Variants in MAMDC2 observed in about 807,000 individuals in gnomAD.
MAMDC2 encodes MAM domain containing 2.
MAMDC2 carries 57 observed loss-of-function variants against 89.8 expected under a neutral mutation model. The ratio of observed to expected loss-of-function variants is 0.63; its 90% confidence interval spans 0.51 to 0.79. MAMDC2 has a LOEUF of 0.79. Ranked by LOEUF, MAMDC2 falls within the 30% of genes least tolerant of loss-of-function variation. The pLI is 0.00. For missense variants in MAMDC2, 800 were observed against 820.6 expected (o/e 0.97, Z 0.31); for synonymous variants, 313 against 293.4 (o/e 1.07, Z -0.68).
At chr9:70,199,108 C>G (rs558815332) in intron 11 of MAMDC2, among the ~76,000 whole-genome samples, 5 of 150,086 alleles carry the variant, frequency 3.3e-5, no homozygotes, top group Non-Finnish European at 4.4e-5. Flanking sequence ...GCACATTGTA[C>G]AGGTTAGTTA....
At chr9:70,111,142 G>A (rs945683544) in intron 4 of MAMDC2, among the ~76,000 whole-genome samples, 1 of 152,214 alleles carries the variant, frequency 6.6e-6, no homozygotes, top group Admixed American at 6.5e-5. Flanking sequence ...GTGAACGACA[G>A]GGAAGTCAGA....
At chr9:70,137,957 G>A (rs906704638) in intron 7 of MAMDC2, among the ~76,000 whole-genome samples, 1 of 152,138 alleles carries the variant, frequency 6.6e-6, no homozygotes, top group Non-Finnish European at 1.5e-5. Flanking sequence ...TTTGTTACAG[G>A]CATAGATTGC....
intron 2 of MAMDC2, chr9:70,087,527 A>G (rs1827797775): frequency 6.6e-6 from 1 of 152,122 alleles, no homozygotes; most frequent in African/African-American, 2.4e-5. Context: ...CTTATAATTG[A>G]GTCTCATTTA....
At chr9:70,211,658 C>T (rs958556087) in intron 11 of MAMDC2, among the ~76,000 whole-genome samples, 6 of 152,166 alleles carry the variant, frequency 3.9e-5, no homozygotes, top group African/African-American at 1.4e-4. Flanking sequence ...CAGCTTTGTT[C>T]CGTTACTGAT....
At chr9:70,068,806 A>T (rs1827331007) in intron 2 of MAMDC2, among the ~76,000 whole-genome samples, 1 of 151,908 alleles carries the variant, frequency 6.6e-6, no homozygotes, top group Non-Finnish European at 1.5e-5. Flanking sequence ...GTGCAACAGG[A>T]CAGATACAAG....
intron 2 of MAMDC2, among the ~76,000 whole-genome samples, chr9:70,067,515 A>G (rs1189497423): frequency 6.6e-6 from 1 of 152,208 alleles, no homozygotes; most frequent in African/African-American, 2.4e-5. Flanking sequence ...ATTTTAGGAA[A>G]AAGGTTGCCC....
At chr9:70,167,085 A>G (rs1309703576) in intron 9 of MAMDC2, among the ~76,000 whole-genome samples, 1 of 152,212 alleles carries the variant, frequency 6.6e-6, no homozygotes, top group African/African-American at 2.4e-5. Flanking sequence ...TTACATGTTC[A>G]GATCATCTCT....
chr9:70,210,430 T>C (rs192263028), intron 11 of MAMDC2, among the ~76,000 whole-genome samples: 1 of 152,342 alleles, frequency 6.6e-6, no homozygotes, highest in Admixed American at 6.5e-5. Flanking sequence ...TTAAAGTCTG[T>C]TTTATCGAAG....
intron 11 of MAMDC2, among the ~76,000 whole-genome samples, chr9:70,172,343 G>C (rs2032374300): frequency 6.6e-6 from 1 of 152,166 alleles, no homozygotes; most frequent in African/African-American, 2.4e-5. Context: ...TTTAATCAGG[G>C]AAGGTGGAAG....
intron 2 of MAMDC2, among the ~76,000 whole-genome samples, chr9:70,103,391 CAT>C (rs58329401): frequency 0.064 from 9,676 of 152,028 alleles, 985 homozygotes; most frequent in African/African-American, 0.21. Context: ...TAAGAATAAA[CAT>C]AGATCAATAG....
chr9:70,145,480 C>T (rs777093540), intron 9 of MAMDC2, among the ~76,000 whole-genome samples: 8 of 152,194 alleles, frequency 5.3e-5, no homozygotes, highest in Non-Finnish European at 7.3e-5. Flanking sequence ...CTCTGCACTT[C>T]TTAGGGATCC....
At chr9:70,065,561 G>A (rs1338982670) in intron 2 of MAMDC2, among the ~76,000 whole-genome samples, 1 of 143,028 alleles carries the variant, frequency 7.0e-6, no homozygotes, top group Non-Finnish European at 1.5e-5. Flanking sequence ...ATCCAAGCAG[G>A]AGTCAAAACC....
chr9:70,071,177 A>G (rs1273243964), intron 2 of MAMDC2, among the ~76,000 whole-genome samples: 1 of 152,148 alleles, frequency 6.6e-6, no homozygotes, highest in Non-Finnish European at 1.5e-5. Context: ...GTGCTTTACC[A>G]TATGTTTTAA....
At chr9:70,091,611 C>G (rs565176003) in intron 2 of MAMDC2, among the ~76,000 whole-genome samples, 1 of 152,308 alleles carries the variant, frequency 6.6e-6, no homozygotes, top group East Asian at 1.9e-4. Context: ...CAATCCGAAT[C>G]GGATCCGGAA....
intron 11 of MAMDC2, among the ~76,000 whole-genome samples, chr9:70,191,351 T>A (rs1563993437): frequency 6.6e-6 from 1 of 151,534 alleles, no homozygotes; most frequent in Non-Finnish European, 1.5e-5. Context: ...TGTAACTGTT[T>A]TATCTATTTT....
intron 2 of MAMDC2, among the ~76,000 whole-genome samples, chr9:70,096,220 G>A (rs778103505): frequency 6.6e-6 from 1 of 152,012 alleles, no homozygotes; most frequent in Non-Finnish European, 1.5e-5. Context: ...GTTTTGCCAT[G>A]TTCCTCAGGC....
intron 11 of MAMDC2, among the ~76,000 whole-genome samples, chr9:70,178,298 C>T (rs1357669022): frequency 6.6e-6 from 1 of 152,180 alleles, no homozygotes; most frequent in Non-Finnish European, 1.5e-5. Context: ...CTTGCTACAT[C>T]ATCCCATGGT....
chr9:70,209,625 T>G (rs892180425), intron 11 of MAMDC2, among the ~76,000 whole-genome samples: 10 of 152,164 alleles, frequency 6.6e-5, no homozygotes, highest in African/African-American at 2.4e-4. Flanking sequence ...CTTTCGTATC[T>G]CTATCTCTTT....
At chr9:70,222,937 G>C (rs573299232) in intron 12 of MAMDC2, among the ~76,000 whole-genome samples, 1 of 152,156 alleles carries the variant, frequency 6.6e-6, no homozygotes. Flanking sequence ...CCAGGAGTTT[G>C]AGATCAGCCT....
Sources: gnomAD v4.1 joint callset for allele counts (sites outside exome capture counted in the v4.1 genomes callset) on GRCh38, gnomAD v4.1.1 for gene constraint, MANE v1.5 for transcripts, NCBI Gene and HGNC (gene_info 2026-07-23, HGNC 2026-07-21) for gene names.